GRM7: variants seen among roughly 807,000 people sequenced by gnomAD.
GRM7 encodes metabotropic glutamate receptor 7.
In GRM7, 35 loss-of-function variants were observed where a neutral mutation model predicts 84.5. The observed-to-expected ratio is 0.41, with a 90% CI of 0.32 to 0.55. The LOEUF (loss-of-function observed/expected upper bound fraction) is 0.55, where lower values mean the gene tolerates loss of function less well. GRM7 is among the 20% of genes least tolerant of loss of function. The pLI is 0.19. For synonymous variants in GRM7, 487 were observed against 455.1 expected (o/e 1.07, Z -0.89); for missense variants, 1,003 against 1,194.6 (o/e 0.84, Z 2.36).
chr3:6,946,162 A>G (rs1232983415), intron 1 of GRM7, among the ~76,000 whole-genome samples: 1 of 152,196 alleles, frequency 6.6e-6, no homozygotes, highest in African/African-American at 2.4e-5. Context: ...CATATTGCCT[A>G]GCTTTCCTTC....
chr3:7,309,556 CT>C (rs879729496), intron 4 of GRM7, among the ~76,000 whole-genome samples: 1 of 152,056 alleles, frequency 6.6e-6, no homozygotes. Flanking sequence ...AGTAATCTAC[CT>C]TTTTTTCCCT....
chr3:7,349,587 A>G (rs1693042659), intron 4 of GRM7, among the ~76,000 whole-genome samples: 1 of 152,284 alleles, frequency 6.6e-6, no homozygotes, highest in South Asian at 2.1e-4. Flanking sequence ...GTAAAATTGA[A>G]TAAGTTATGT....
At chr3:6,967,902 G>C (rs982610659) in intron 1 of GRM7, among the ~76,000 whole-genome samples, 2 of 152,136 alleles carry the variant, frequency 1.3e-5, no homozygotes, top group Non-Finnish European at 2.9e-5. Context: ...GAGAGGAGGA[G>C]GGCAAGGAGA....
chr3:7,629,146 C>T (rs1697754001), intron 8 of GRM7, among the ~76,000 whole-genome samples: 1 of 152,122 alleles, frequency 6.6e-6, no homozygotes, highest in South Asian at 2.1e-4. Flanking sequence ...TAGCTGTATT[C>T]ATCATTTAAT....
intron 1 of GRM7, among the ~76,000 whole-genome samples, chr3:6,958,298 CT>C (rs775975587): frequency 4.6e-5 from 7 of 151,042 alleles, no homozygotes; most frequent in Non-Finnish European, 1.0e-4. Flanking sequence ...TGAGATACAT[CT>C]GTGCTATTTT....
At chr3:7,368,931 C>G (rs1694021441) in intron 4 of GRM7, among the ~76,000 whole-genome samples, 1 of 152,058 alleles carries the variant, frequency 6.6e-6, no homozygotes. Flanking sequence ...CATGCACACT[C>G]TAAATCCACC....
intron 1 of GRM7, among the ~76,000 whole-genome samples, chr3:7,074,504 C>A (rs116309235): frequency 1.3e-5 from 2 of 151,988 alleles, no homozygotes; most frequent in Non-Finnish European, 2.9e-5. Context: ...TACTGTTCTG[C>A]GACATTATAA....
intron 2 of GRM7, among the ~76,000 whole-genome samples, chr3:7,148,538 G>T (rs141340426): frequency 6.6e-6 from 1 of 152,238 alleles, no homozygotes; most frequent in African/African-American, 2.4e-5. Flanking sequence ...CTTGCCTTGG[G>T]ATCAAGATAA....
chr3:7,678,955 A>T (rs1575622459), intron 8 of GRM7, among the ~76,000 whole-genome samples: 1 of 836 alleles, frequency 1.2e-3, no homozygotes, highest in Non-Finnish European at 9.6e-3. Context: ...CTTTGCAGAC[A>T]ATAATAATGT....
At chr3:7,068,043 A>G (rs1697729870) in intron 1 of GRM7, among the ~76,000 whole-genome samples, 3 of 152,118 alleles carry the variant, frequency 2.0e-5, no homozygotes, top group Middle Eastern at 3.4e-3. Context: ...CATTTTAGAT[A>G]ATTCTTCGTG....
intron 7 of GRM7, among the ~76,000 whole-genome samples, chr3:7,568,437 G>A (rs1224108086): frequency 6.6e-6 from 1 of 152,248 alleles, no homozygotes; most frequent in African/African-American, 2.4e-5. Context: ...AGAGGTGACA[G>A]CGTGCTGACA....
At chr3:7,149,562 C>G (rs1185149126) in intron 2 of GRM7, among the ~76,000 whole-genome samples, 1 of 152,078 alleles carries the variant, frequency 6.6e-6, no homozygotes, top group Non-Finnish European at 1.5e-5. Flanking sequence ...AAAAGTCACC[C>G]TCACAAAAGA....
intron 9 of GRM7, among the ~76,000 whole-genome samples, chr3:7,696,449 G>A (rs1453296486): frequency 2.0e-5 from 3 of 152,124 alleles, no homozygotes; most frequent in Non-Finnish European, 4.4e-5. Flanking sequence ...CTGTATCTAA[G>A]GGAGGATGGT....
intron 4 of GRM7, among the ~76,000 whole-genome samples, chr3:7,337,339 A>G (rs927132896): frequency 3.4e-4 from 52 of 152,106 alleles, no homozygotes; most frequent in African/African-American, 1.1e-3. Flanking sequence ...AACCTCTTCT[A>G]GATGTTAGCT....
chr3:7,230,879 C>A (rs1447279278), intron 2 of GRM7, among the ~76,000 whole-genome samples: 1 of 152,158 alleles, frequency 6.6e-6, no homozygotes, highest in Non-Finnish European at 1.5e-5. Context: ...TTAGTATATT[C>A]ATGAATCTTG....
chr3:7,190,026 T>A (rs549670229), intron 2 of GRM7, among the ~76,000 whole-genome samples: 1 of 152,204 alleles, frequency 6.6e-6, no homozygotes, highest in African/African-American at 2.4e-5. Context: ...CACACACAAC[T>A]TTCATGATAA....
At chr3:6,876,707 T>C (rs1695318352) in intron 1 of GRM7, among the ~76,000 whole-genome samples, 1 of 150,898 alleles carries the variant, frequency 6.6e-6, no homozygotes, top group Admixed American at 6.7e-5. Context: ...GTTCAGACGA[T>C]TCTCTTGCCT....
At chr3:7,646,835 A>G (rs188203202) in intron 8 of GRM7, among the ~76,000 whole-genome samples, 2 of 152,330 alleles carry the variant, frequency 1.3e-5, no homozygotes, top group East Asian at 3.9e-4. Context: ...AAGTAATTCC[A>G]CAGCTGGGCT....
intron 5 of GRM7, among the ~76,000 whole-genome samples, chr3:7,432,240 T>C (rs930710811): frequency 6.6e-6 from 1 of 152,234 alleles, no homozygotes; most frequent in Non-Finnish European, 1.5e-5. Flanking sequence ...TTAAAGCTGA[T>C]AAAACGCAAA....
Sources: gnomAD v4.1 joint callset for allele counts (sites outside exome capture counted in the v4.1 genomes callset) on GRCh38, gnomAD v4.1.1 for gene constraint, MANE v1.5 for transcripts, NCBI Gene and HGNC (gene_info 2026-07-23, HGNC 2026-07-21) for gene names.